The following SGCZ variants were observed in gnomAD, a reference collection of about 807,000 sequenced individuals.
SGCZ encodes the protein sarcoglycan zeta, also known as zeta-sarcoglycan.
Under a neutral mutation model 41.3 loss-of-function variants are expected in SGCZ, and 40 were observed. The ratio of observed to expected loss-of-function variants is 0.97; its 90% CI spans 0.75 to 1.26. The LOEUF (loss-of-function observed/expected upper bound fraction) is 1.26. SGCZ is among the 50% of genes most tolerant of loss of function. The probability of loss-of-function intolerance (pLI) is 0.00; values close to 1 mark genes in which losing one functional copy is unlikely to be tolerated. For synonymous variants in SGCZ, 206 were observed against 137.5 expected (o/e 1.50, Z -3.49); for missense variants, 552 against 369.8 (o/e 1.49, Z -4.04).
intron 1 of SGCZ, among the ~76,000 whole-genome samples, chr8:15,016,143 A>G (rs138424643): frequency 6.6e-6 from 1 of 152,270 alleles, no homozygotes; most frequent in African/African-American, 2.4e-5. Flanking sequence ...TTCTTTTGCA[A>G]AATTTCCTCC....
chr8:14,848,773 T>C (rs1286622631), intron 1 of SGCZ, among the ~76,000 whole-genome samples: 3 of 152,142 alleles, frequency 2.0e-5, no homozygotes, highest in African/African-American at 7.2e-5. Context: ...TTCGTCACAA[T>C]GGATTAGGCA....
intron 2 of SGCZ, among the ~76,000 whole-genome samples, chr8:14,544,858 C>T (rs1263439339): frequency 6.6e-6 from 1 of 152,070 alleles, no homozygotes; most frequent in African/African-American, 2.4e-5. Context: ...CTGCTTTTGC[C>T]CTTTGTCCTG....
At chr8:14,817,636 A>G (rs951538760) in intron 1 of SGCZ, among the ~76,000 whole-genome samples, 1 of 152,212 alleles carries the variant, frequency 6.6e-6, no homozygotes, top group African/African-American at 2.4e-5. Flanking sequence ...AGCCTAGGCC[A>G]GATGGAATTA....
At chr8:15,232,232 G>A (rs1017534126) in intron 1 of SGCZ, among the ~76,000 whole-genome samples, 3 of 152,122 alleles carry the variant, frequency 2.0e-5, no homozygotes, top group Admixed American at 6.6e-5. Context: ...TTACATAAAT[G>A]TCCCAAAAAC....
intron 2 of SGCZ, among the ~76,000 whole-genome samples, chr8:14,522,549 C>G (rs1203343956): frequency 6.6e-6 from 1 of 151,772 alleles, no homozygotes; most frequent in Non-Finnish European, 1.5e-5. Flanking sequence ...CTTTTGATGT[C>G]TGCAGAGCCC....
At chr8:15,037,024 A>C (rs2130969173) in intron 1 of SGCZ, among the ~76,000 whole-genome samples, 1 of 152,336 alleles carries the variant, frequency 6.6e-6, no homozygotes, top group African/African-American at 2.4e-5. Flanking sequence ...CAGAAAAAGC[A>C]TTTGACAAAA....
At chr8:14,360,404 T>C (rs752900431) in intron 2 of SGCZ, among the ~76,000 whole-genome samples, 8 of 151,980 alleles carry the variant, frequency 5.3e-5, no homozygotes, top group Non-Finnish European at 1.2e-4. Flanking sequence ...CAACTCGCTG[T>C]AACCTCCGCC....
chr8:15,040,514 G>C (rs969791272), intron 1 of SGCZ, among the ~76,000 whole-genome samples: 24 of 152,244 alleles, frequency 1.6e-4, no homozygotes, highest in African/African-American at 5.5e-4. Context: ...CTACTCGGGA[G>C]GCTAAGGCAG....
chr8:15,220,509 T>C (rs926830026), intron 1 of SGCZ, among the ~76,000 whole-genome samples: 1 of 152,048 alleles, frequency 6.6e-6, no homozygotes, highest in Admixed American at 6.6e-5. Context: ...AAGAGGATCC[T>C]GAAGCATCCA....
At chr8:14,602,753 A>G (rs1343261584) in intron 1 of SGCZ, among the ~76,000 whole-genome samples, 1 of 152,136 alleles carries the variant, frequency 6.6e-6, no homozygotes, top group East Asian at 1.9e-4. Flanking sequence ...TGAGTATAAT[A>G]TCCCTCACTG....
chr8:15,088,311 G>A (rs552278641), intron 1 of SGCZ, among the ~76,000 whole-genome samples: 1 of 152,082 alleles, frequency 6.6e-6, no homozygotes, highest in South Asian at 2.1e-4. Flanking sequence ...AAAGGAAGTT[G>A]TCTATTAAAT....
In SGCZ at chr8:14,165,508, T is replaced by C. The variant is rs1044788198; in HGVS notation, c.425-806A>G. The C allele has an allele frequency of 8.6e-5, 13 of 152,038 alleles. No individual in the cohort carries two copies. The South Asian group carries it at 1.7e-3, about 19-fold the overall frequency. 9.4% of individuals were successfully genotyped at this position (152,038 alleles called of 1,614,324 possible). A position where few individuals can be genotyped will look rare whatever the true frequency, so the allele number is the denominator to read the frequency against. On this transcript the variant is annotated intron_variant, in intron 4 of 7. Transcript: ENST00000382080. ...TGAATGTTAACTGAGGAGGAAGAAA[T>C]TTGAGATAATGGCCAGCAGTAATTC...
At chr8:14,694,696 T>C (rs1488643462) in intron 1 of SGCZ, among the ~76,000 whole-genome samples, 1 of 152,150 alleles carries the variant, frequency 6.6e-6, no homozygotes, top group East Asian at 1.9e-4. Flanking sequence ...AGTAAAGAAA[T>C]AACCTTACTG....
intron 1 of SGCZ, among the ~76,000 whole-genome samples, chr8:15,097,165 G>A (rs910977699): frequency 1.3e-5 from 2 of 152,016 alleles, no homozygotes; most frequent in Admixed American, 6.6e-5. Context: ...CCACTGTTAC[G>A]TAAAGCCCAT....
chr8:14,874,103 C>T (rs1244913343), intron 1 of SGCZ, among the ~76,000 whole-genome samples: 1 of 152,098 alleles, frequency 6.6e-6, no homozygotes, highest in Non-Finnish European at 1.5e-5. Flanking sequence ...CAAACTTATA[C>T]TTTAATTGAA....
intron 1 of SGCZ, among the ~76,000 whole-genome samples, chr8:15,079,417 T>C (rs1455769211): frequency 6.6e-6 from 1 of 152,234 alleles, no homozygotes; most frequent in Non-Finnish European, 1.5e-5. Flanking sequence ...TTCCATTTTC[T>C]TTTGGGTCCT....
At chr8:14,759,871 T>C (rs2130350381) in intron 1 of SGCZ, among the ~76,000 whole-genome samples, 1 of 152,308 alleles carries the variant, frequency 6.6e-6, no homozygotes, top group South Asian at 2.1e-4. Context: ...AACTTCACCA[T>C]GTGGCCCAGG....
intron 1 of SGCZ, among the ~76,000 whole-genome samples, chr8:15,161,100 G>A (rs556479803): frequency 6.6e-6 from 1 of 152,000 alleles, no homozygotes; most frequent in South Asian, 2.1e-4. Flanking sequence ...ATCCTTAGGT[G>A]ATCTGGTTCC....
intron 2 of SGCZ, among the ~76,000 whole-genome samples, chr8:14,424,335 T>TA (rs1401264468): frequency 1.3e-5 from 2 of 152,114 alleles, no homozygotes; most frequent in African/African-American, 2.4e-5. Flanking sequence ...TATTATGGAT[T>TA]AAAAAACACA....
Sources: allele counts gnomAD v4.1 joint callset (sites outside exome capture counted in the v4.1 genomes callset), GRCh38; gene constraint gnomAD v4.1.1; transcripts MANE v1.5; gene names NCBI Gene and HGNC (gene_info 2026-07-23, HGNC 2026-07-21).